EFCAB6: variants seen among roughly 807,000 people sequenced by gnomAD.
EFCAB6 encodes EF-hand calcium binding domain 6.
In EFCAB6, 156 loss-of-function variants were observed where a neutral mutation model predicts 169.8. The ratio of observed to expected loss-of-function variants is 0.92; its 90% CI spans 0.81 to 1.05. The LOEUF is 1.05. Among genes scored for constraint, EFCAB6 ranks in the 50% least tolerant of loss-of-function variants. EFCAB6 has a pLI of 0.00. For synonymous variants in EFCAB6, 698 were observed against 676.4 expected (o/e 1.03, Z -0.50); for missense variants, 1,800 against 1,829.1 (o/e 0.98, Z 0.29).
intron 17 of EFCAB6, among the ~76,000 whole-genome samples, chr22:43,661,258 GTTCC>G (rs2056987695): frequency 6.6e-6 from 1 of 152,046 alleles, no homozygotes; most frequent in African/African-American, 2.4e-5. Flanking sequence ...TGGACCTCTA[GTTCC>G]AGCTACTTGG....
Position 43,766,331 on chromosome 22 carries a change from C to T in EFCAB6, c.352-938G>A, listed in dbSNP as rs191561104. ...TACAGGCATGAGCCACCACACCTGG[C>T]CCCCCTCAAGTGTTTTTAAATATAT... On this transcript the variant is annotated intron_variant, in intron 4 of 31. Transcript: ENST00000262726. Among the ~76,000 whole-genome samples, 99 of 151,716 alleles carry T rather than the reference C, an allele frequency of 6.5e-4. 1 individual carries two copies. Among genetic ancestry groups the T allele is most frequent in the African/African-American group, 2.4e-3 (97 of 41,170 alleles).
intron 21 of EFCAB6, among the ~76,000 whole-genome samples, chr22:43,613,677 G>A (rs1407064118): frequency 3.3e-5 from 5 of 152,074 alleles, no homozygotes; most frequent in Admixed American, 3.3e-4. Context: ...CTTAGTACCT[G>A]GGTGACGAAA....
intron 2 of EFCAB6, among the ~76,000 whole-genome samples, chr22:43,808,634 A>C (rs2063001626): frequency 6.6e-6 from 1 of 152,230 alleles, no homozygotes; most frequent in East Asian, 1.9e-4. Context: ...AAGATAAATC[A>C]GACAGAGCAT....
chr22:43,641,568 A>C (rs2055800985), intron 17 of EFCAB6, among the ~76,000 whole-genome samples: 1 of 149,934 alleles, frequency 6.7e-6, no homozygotes, highest in African/African-American at 2.5e-5. Flanking sequence ...GTGAGCTGAC[A>C]TTGCGCCTTT....
chr22:43,624,256 C>T (rs1042129864), intron 20 of EFCAB6, among the ~76,000 whole-genome samples: 1 of 152,166 alleles, frequency 6.6e-6, no homozygotes, highest in South Asian at 2.1e-4. Flanking sequence ...GTCCACCAGA[C>T]CCCGGGGACC....
chr22:43,678,298 A>G, intron 12 of EFCAB6, 135 bp from the exon 13 acceptor site: 1 of 780,536 alleles, frequency 1.3e-6, no homozygotes, highest in South Asian at 1.9e-5. Flanking sequence ...ATGCAAATAC[A>G]TCGACTGATG....
intron 6 of EFCAB6, among the ~76,000 whole-genome samples, chr22:43,749,766 TC>T (rs2060690101): frequency 6.6e-6 from 1 of 152,166 alleles, no homozygotes; most frequent in South Asian, 2.1e-4. Flanking sequence ...TCCTTTAACT[TC>T]CCACGTAAGA....
intron 26 of EFCAB6, among the ~76,000 whole-genome samples, chr22:43,562,583 TG>T (rs1216397271): frequency 3.8e-5 from 2 of 52,108 alleles, no homozygotes; most frequent in African/African-American, 1.6e-4. Flanking sequence ...GGCAGCCCGG[TG>T]GGGGGTTGGA....
At chr22:43,728,252 T>A (rs968939029) in intron 8 of EFCAB6, among the ~76,000 whole-genome samples, 5 of 152,216 alleles carry the variant, frequency 3.3e-5, no homozygotes, top group Non-Finnish European at 7.3e-5. Context: ...TCATTCTTTT[T>A]TATGGCTGCA....
intron 10 of EFCAB6, 129 bp downstream of exon 10, chr22:43,711,346 T>C (rs2059152312): frequency 1.0e-6 from 1 of 981,492 alleles, no homozygotes; most frequent in Non-Finnish European, 1.4e-6. Context: ...TTCCCTTTAC[T>C]TCTGTATACG....
At chr22:43,655,851 T>C (rs1276622697) in intron 17 of EFCAB6, among the ~76,000 whole-genome samples, 2 of 152,198 alleles carry the variant, frequency 1.3e-5, no homozygotes, top group African/African-American at 2.4e-5. Flanking sequence ...TACATTATTA[T>C]CAGATGACAT....
intron 24 of EFCAB6, among the ~76,000 whole-genome samples, chr22:43,584,336 C>T (rs572657976): frequency 6.6e-6 from 1 of 152,288 alleles, no homozygotes; most frequent in East Asian, 1.9e-4. Context: ...GAGGCACAGG[C>T]TGGCAGGAAT....
At chr22:43,788,300 C>T (rs957895327) in intron 2 of EFCAB6, among the ~76,000 whole-genome samples, 1 of 152,000 alleles carries the variant, frequency 6.6e-6, no homozygotes, top group Non-Finnish European at 1.5e-5. Flanking sequence ...AGATACCCCA[C>T]AGAATGGAAT....
intron 23 of EFCAB6, among the ~76,000 whole-genome samples, chr22:43,592,774 C>T (rs565819663): frequency 2.0e-5 from 3 of 152,220 alleles, no homozygotes; most frequent in Non-Finnish European, 2.9e-5. Flanking sequence ...AAAAACTGCA[C>T]ACCTCTCAAT....
intron 20 of EFCAB6, among the ~76,000 whole-genome samples, chr22:43,622,920 C>T (rs925124873): frequency 2.0e-5 from 3 of 152,158 alleles, no homozygotes; most frequent in African/African-American, 7.2e-5. Flanking sequence ...ACACCATGCT[C>T]GGGGTGTTGT....
intron 2 of EFCAB6, among the ~76,000 whole-genome samples, chr22:43,798,033 A>T (rs2062573832): frequency 6.6e-6 from 1 of 152,174 alleles, no homozygotes; most frequent in Non-Finnish European, 1.5e-5. Flanking sequence ...TGTTAGAAAC[A>T]GATTGCTGGG....
intron 28 of EFCAB6, among the ~76,000 whole-genome samples, chr22:43,539,648 A>G (rs1382032603): frequency 2.0e-5 from 3 of 152,126 alleles, no homozygotes; most frequent in African/African-American, 7.2e-5. Flanking sequence ...AGGCTGTGCA[A>G]TTTGACAGGC....
chr22:43,804,322 C>T (rs2062834667), intron 2 of EFCAB6, among the ~76,000 whole-genome samples: 1 of 151,742 alleles, frequency 6.6e-6, no homozygotes, highest in African/African-American at 2.4e-5. Context: ...ACAGCAAAAG[C>T]AGTACTAAGA....
At chr22:43,789,241 A>T (rs927364569) in intron 2 of EFCAB6, among the ~76,000 whole-genome samples, 6 of 152,212 alleles carry the variant, frequency 3.9e-5, no homozygotes, top group African/African-American at 1.2e-4. Flanking sequence ...ACACTGAATT[A>T]TACACTTTGA....
Sources: gnomAD v4.1 joint callset for allele counts (sites outside exome capture counted in the v4.1 genomes callset) on GRCh38, gnomAD v4.1.1 for gene constraint, MANE v1.5 for transcripts, NCBI Gene and HGNC (gene_info 2026-07-23, HGNC 2026-07-21) for gene names.